JRK: variants seen among roughly 807,000 people sequenced by gnomAD.
JRK encodes Jrk helix-turn-helix protein.
For synonymous variants in JRK, 303 were observed against 218.1 expected (o/e 1.39, Z -3.43); for missense variants, 720 against 509.2 (o/e 1.41, Z -3.98).
At chr8:142,666,785 G>A (rs1284277111) in intron 1 of JRK, among the ~76,000 whole-genome samples, 5 of 152,204 alleles carry the variant, frequency 3.3e-5, no homozygotes, top group Non-Finnish European at 7.3e-5. Context: ...GAAACGAGAC[G>A]TGGCTCTCAT....
chr8:142,660,227 GA>G lies in JRK; in HGVS notation c.*4124del. Reference sequence around the variant, plus strand: ...TTGTCAAGGAGAGTCCTCGAACCCAGAGGGGGCTGGGTAAGCAGCAGAAGTG... The same window carrying G: ...TTGTCAAGGAGAGTCCTCGAACCCAGGGGGGCTGGGTAAGCAGCAGAAGTG... On this transcript the variant is annotated 3_prime_UTR_variant, in exon 2 of 2. Coordinates refer to ENST00000612905, the MANE Select transcript of JRK (RefSeq NM_003724.4). 1.0e-6 allele frequency: 1 copy of G among 985,520 alleles called. No individual in the cohort carries two copies. The highest frequency in any genetic ancestry group is 1.1e-4 in the East Asian group (1 of 8,812). The allele number at this position is 985,520 out of a possible 1,614,324, so 61.0% of individuals were successfully genotyped here. A position where few individuals can be genotyped will look rare whatever the true frequency, so the allele number is the denominator to read the frequency against.
chr8:142,646,465 T>C, the JRK span, among the ~76,000 whole-genome samples: 7 of 152,228 alleles, frequency 4.6e-5, no homozygotes, highest in Non-Finnish European at 7.3e-5. Context: ...CAGTGTCTTA[T>C]TAAAGATTAC....
Position 142,661,923 on chromosome 8 carries a change from GCAC to G in JRK, c.*2426_*2428del. 6 of 985,566 alleles carry G rather than the reference GCAC, an allele frequency of 6.1e-6. No homozygotes were observed. Among genetic ancestry groups the G allele is most frequent in the Non-Finnish European group, 7.2e-6 (6 of 830,028 alleles). The allele number at this position is 985,566 out of a possible 1,614,324, so 61.1% of individuals were successfully genotyped here. Reference sequence around the variant, plus strand: ...GGGACAGGACCGAGGCAAGAGGTATGCACCAGGCAGCTGGGCCCAGCAGCTCAG... The same window carrying G: ...GGGACAGGACCGAGGCAAGAGGTATGCAGGCAGCTGGGCCCAGCAGCTCAG... On this transcript the variant is annotated 3_prime_UTR_variant, in exon 2 of 2. Coordinates refer to ENST00000612905, the MANE Select transcript of JRK (RefSeq NM_003724.4).
downstream of JRK, among the ~76,000 whole-genome samples, chr8:142,655,099 C>T (rs1458111643): frequency 2.0e-5 from 3 of 152,192 alleles, no homozygotes; most frequent in Non-Finnish European, 2.9e-5. Flanking sequence ...GGCTGGATCC[C>T]TCTCTGCCTT....
Position 142,664,279 on chromosome 8 carries a change from G to A in JRK, c.*73C>T, listed in dbSNP as rs587620242. ...ATGCCCTCCTGCCTCAGGTGGGGTC[G>A]GGGCACAGGACCATGCCACTCCAGG... On this transcript the variant is annotated 3_prime_UTR_variant, in exon 2 of 2. Coordinates refer to ENST00000612905, the MANE Select transcript of JRK (RefSeq NM_003724.4). 240 of 1,468,692 alleles carry A rather than the reference G, an allele frequency of 1.6e-4. No homozygotes were observed. The South Asian group carries it at 3.0e-3, about 19-fold the overall frequency. The allele number at this position is 1,468,692 out of a possible 1,614,324, so 91.0% of individuals were successfully genotyped here. A position where few individuals can be genotyped will look rare whatever the true frequency, so the allele number is the denominator to read the frequency against.
Position 142,659,176 on chromosome 8 carries a change from A to T in JRK, c.*5176T>A. The T allele has an allele frequency of 7.6e-7, 1 of 1,308,858 alleles. No individual in the cohort carries two copies. The allele number at this position is 1,308,858 out of a possible 1,614,324, so 81.1% of individuals were successfully genotyped here. A position where few individuals can be genotyped will look rare whatever the true frequency, so the allele number is the denominator to read the frequency against. On this transcript the variant is annotated 3_prime_UTR_variant, in exon 2 of 2. Transcript: ENST00000612905. Reference sequence around the variant, plus strand: ...GCTCCTCCCACTGAGCCTCATGGTCACCCCAGAGGACAGGCCTTCCTTTCA... The same window carrying T: ...GCTCCTCCCACTGAGCCTCATGGTCTCCCCAGAGGACAGGCCTTCCTTTCA...
chr8:142,669,163 AGTGTGTGTGTGTGTGTGTGTGT>A (rs59300327), intron 1 of JRK, among the ~76,000 whole-genome samples: 2 of 136,122 alleles, frequency 1.5e-5, no homozygotes, highest in South Asian at 2.6e-4. Flanking sequence ...GCAGGGGCAT[AGTGTGTGTGTGTGTGTGTGTGT>A]GTGTGTGTGT....
the JRK span, among the ~76,000 whole-genome samples, chr8:142,648,084 T>A: frequency 6.6e-6 from 1 of 152,200 alleles, no homozygotes; most frequent in Non-Finnish European, 1.5e-5. Flanking sequence ...ATTTAGGATA[T>A]CTGGCAGAAG....
the JRK span, among the ~76,000 whole-genome samples, chr8:142,647,854 G>A: frequency 2.6e-5 from 4 of 152,370 alleles, no homozygotes; most frequent in South Asian, 8.3e-4. Context: ...CCAGGGAAAC[G>A]TGGGAAAGTT....
Position 142,665,088 on chromosome 8 carries a change from A to C in JRK, c.971T>G (p.Val324Gly). 1 of 717,906 alleles carries C rather than the reference A, an allele frequency of 1.4e-6. No individual in the cohort carries two copies. The highest frequency in any genetic ancestry group is 2.6e-6 in the Non-Finnish European group (1 of 385,104). The allele number at this position is 717,906 out of a possible 1,614,324, so 44.5% of individuals were successfully genotyped here. The change falls in exon 2 of 2, where the codon GTG (valine) becomes GGG (glycine). Residue 324 changes from valine (V) to glycine (G), a missense_variant. By Grantham distance (109) the Val-to-Gly change is moderately radical (BLOSUM62 -3). Coordinates refer to ENST00000612905, the MANE Select transcript of JRK (RefSeq NM_003724.4). Reference protein sequence around the residue: ...NVFTIFLPASVASLVQPMEQG... With the variant: ...NVFTIFLPASGASLVQPMEQG... Reference sequence around the variant, plus strand: ...CTCCATGGGCTGCACCAATGAGGCCACGCTGGCAGGCAGGAAGATGGTGAA... The same window carrying C: ...CTCCATGGGCTGCACCAATGAGGCCCCGCTGGCAGGCAGGAAGATGGTGAA...
At chr8:142,654,754 C>A (rs1208310331), downstream of JRK, among the ~76,000 whole-genome samples, 3 of 152,006 alleles carry the variant, frequency 2.0e-5, no homozygotes, top group Non-Finnish European at 4.4e-5. Flanking sequence ...CAGCCACTCC[C>A]CAGCTCAAGG....
Position 142,664,583 on chromosome 8 carries a change from C to T in JRK, c.1476G>A (p.Val492=). 1 of 1,608,770 alleles carries T rather than the reference C, an allele frequency of 6.2e-7. No homozygotes were observed. Among genetic ancestry groups the T allele is most frequent in the African/African-American group, 1.3e-5 (1 of 74,992 alleles). The change falls in exon 2 of 2, where the codon GTG becomes GTA. Residue 492 remains valine, a synonymous_variant. Coordinates refer to ENST00000612905, the MANE Select transcript of JRK (RefSeq NM_003724.4). ...GEEVAWEQAA[V]AFDAVLRFAE... is the part of the protein sequence containing the mutation. ...CAAAGCGCAGGACTGCGTCAAAGGC[C>T]ACGGCCGCCTGCTCCCAGGCCACCT...
intron 1 of JRK, among the ~76,000 whole-genome samples, chr8:142,667,958 C>T (rs1554636512): frequency 6.6e-6 from 1 of 152,260 alleles, no homozygotes; most frequent in African/African-American, 2.4e-5. Context: ...GGAGTCAGGG[C>T]CTGCAATGCA....
rs1345762018 is a variant in JRK at position 142,658,270 on chromosome 8, A to G, written c.*6082T>C. ...CAAAATACCACAGGCTAGGTGTCTT[A>G]AACAACATAAATTAATTTTTCACAG... On this transcript the variant is annotated 3_prime_UTR_variant, in exon 2 of 2. Transcript: ENST00000612905. 1.6e-4 allele frequency: 25 copies of G among 152,320 alleles called. No homozygotes were observed. The highest frequency in any genetic ancestry group is 1.6e-3 in the Admixed American group (25 of 15,296). 9.4% of individuals were successfully genotyped at this position (152,320 alleles called of 1,614,324 possible). A position where few individuals can be genotyped will look rare whatever the true frequency, so the allele number is the denominator to read the frequency against.
chr8:142,663,883 C>T lies in JRK; in HGVS notation c.*469G>A, dbSNP rs1219523892. The stretch of plus-strand genomic sequence containing the variant: ...GGGGTCCACCCAACACGGGGATGGC[C>T]GCCAGCCCAGCAGATAGAGCCTTCT... On this transcript the variant is annotated 3_prime_UTR_variant, in exon 2 of 2. Coordinates refer to ENST00000612905, the MANE Select transcript of JRK (RefSeq NM_003724.4). The T allele has an allele frequency of 1.5e-5, 15 of 990,404 alleles. No homozygotes were observed. Among genetic ancestry groups the T allele is most frequent in the Non-Finnish European group, 1.7e-5 (14 of 833,596 alleles). The allele number at this position is 990,404 out of a possible 1,614,324, so 61.4% of individuals were successfully genotyped here. A position where few individuals can be genotyped will look rare whatever the true frequency, so the allele number is the denominator to read the frequency against.
the JRK span, among the ~76,000 whole-genome samples, chr8:142,649,411 AGAGT>A: frequency 5.3e-5 from 8 of 152,132 alleles, no homozygotes; most frequent in Non-Finnish European, 8.8e-5. Flanking sequence ...TTTTCTCCTG[AGAGT>A]AAGTAAGTCT....
chr8:142,658,940 G>A lies in JRK; in HGVS notation c.*5412C>T. The A allele has an allele frequency of 1.2e-6, 2 of 1,613,108 alleles. No homozygotes were observed. The highest frequency in any genetic ancestry group is 1.7e-6 in the Non-Finnish European group (2 of 1,179,542). ...CACTACCACATCCTCAAGGCCCACA[G>A]TCTCCTGAAACAACAGAACTTTGCT... On this transcript the variant is annotated 3_prime_UTR_variant, in exon 2 of 2. Coordinates refer to ENST00000612905, the MANE Select transcript of JRK (RefSeq NM_003724.4).
At chr8:142,650,010 G>T in the JRK span, among the ~76,000 whole-genome samples, 1 of 152,280 alleles carries the variant, frequency 6.6e-6, no homozygotes, top group African/African-American at 2.4e-5. Flanking sequence ...GGGCGGAGCT[G>T]CCCAAGACCA....
chr8:142,652,893 T>C (rs587773987), downstream of JRK, among the ~76,000 whole-genome samples: 107 of 152,300 alleles, frequency 7.0e-4, no homozygotes, highest in African/African-American at 2.4e-3. Flanking sequence ...GTTCCAAAAA[T>C]TGATGATGTT....
Sources: allele counts gnomAD v4.1 joint callset (sites outside exome capture counted in the v4.1 genomes callset), GRCh38; gene constraint gnomAD v4.1.1; transcripts MANE v1.5; gene names NCBI Gene and HGNC (gene_info 2026-07-23, HGNC 2026-07-21).